The following ATP11A variants were observed in gnomAD, a reference collection of about 807,000 sequenced individuals.
ATP11A encodes ATPase phospholipid transporting 11A, also known as phospholipid-transporting ATPase IH.
ATP11A carries 81 observed loss-of-function variants against 154.4 expected under a neutral mutation model. The observed-to-expected ratio is 0.52, with a 90% CI of 0.44 to 0.63. The LOEUF (loss-of-function observed/expected upper bound fraction) is 0.63. Ranked by LOEUF, ATP11A falls within the 30% of genes least tolerant of loss-of-function variation. ATP11A has a pLI of 0.00. For missense variants in ATP11A, 1,316 were observed against 1,474.3 expected (o/e 0.89, Z 1.76); for synonymous variants, 623 against 585.9 (o/e 1.06, Z -0.91).
intron 25 of ATP11A, among the ~76,000 whole-genome samples, chr13:112,865,398 A>G (rs1482835706): frequency 1.2e-4 from 18 of 151,942 alleles, no homozygotes; most frequent in Admixed American, 1.0e-3. Context: ...AGCGGGGTCC[A>G]TCACCACATG....
intron 1 of ATP11A, among the ~76,000 whole-genome samples, chr13:112,748,967 G>A (rs921308931): frequency 3.9e-5 from 6 of 152,172 alleles, no homozygotes; most frequent in Non-Finnish European, 7.3e-5. Flanking sequence ...TCCACATCAC[G>A]GAGCACACAC....
chr13:112,756,438 C>T (rs1292198055), intron 1 of ATP11A, among the ~76,000 whole-genome samples: 1 of 152,192 alleles, frequency 6.6e-6, no homozygotes, highest in Non-Finnish European at 1.5e-5. Flanking sequence ...GGAGAGGCAC[C>T]TGTATCTGCC....
At chr13:112,726,612 C>G (rs1889918864) in intron 1 of ATP11A, among the ~76,000 whole-genome samples, 1 of 152,128 alleles carries the variant, frequency 6.6e-6, no homozygotes, top group Non-Finnish European at 1.5e-5. Flanking sequence ...CTCTAATGCT[C>G]CAGCCGGGGG....
chr13:112,719,552 G>A (rs553529936), intron 1 of ATP11A, among the ~76,000 whole-genome samples: 7 of 152,288 alleles, frequency 4.6e-5, no homozygotes, highest in African/African-American at 9.6e-5. Context: ...GGCAGCGTCC[G>A]TTCTACATAA....
chr13:112,858,357 G>A (rs1258876422), intron 22 of ATP11A, 67 bp downstream of exon 22: 2 of 1,507,254 alleles, frequency 1.3e-6, no homozygotes, highest in African/African-American at 1.4e-5. Flanking sequence ...CACGACCCTT[G>A]TCTGAGCCAC....
intron 25 of ATP11A, among the ~76,000 whole-genome samples, chr13:112,865,805 C>T (rs1313844449): frequency 6.6e-6 from 1 of 152,246 alleles, no homozygotes; most frequent in East Asian, 1.9e-4. Context: ...CCCGCCTTGG[C>T]CTCCCGAAGT....
intron 9 of ATP11A, among the ~76,000 whole-genome samples, chr13:112,823,896 G>A (rs2078863906): frequency 6.6e-6 from 1 of 152,188 alleles, no homozygotes; most frequent in African/African-American, 2.4e-5. Context: ...GGCCCTATTT[G>A]CATGTAGCCT....
Position 112,859,537 on chromosome 13 carries a change from T to G in ATP11A, c.2727+85T>G. 1 of 1,187,848 alleles carries G rather than the reference T, an allele frequency of 8.4e-7. No homozygotes were observed. Among genetic ancestry groups the G allele is most frequent in the Non-Finnish European group, 1.3e-6 (1 of 793,908 alleles). 73.6% of individuals were successfully genotyped at this position (1,187,848 alleles called of 1,614,324 possible). A position where few individuals can be genotyped will look rare whatever the true frequency, so the allele number is the denominator to read the frequency against. The stretch of plus-strand genomic sequence containing the variant: ...GTGGCTGCTGTGGGGAGGGGAGACT[T>G]GGGAATGAGCAGCACTCCCCGGCAC... On this transcript the variant is annotated intron_variant, in intron 23 of 29. Coordinates refer to ENST00000375645, the MANE Select transcript of ATP11A (RefSeq NM_015205.3). This position sits in a 1 kb window ranked among gnomAD's most constrained non-coding sequence, Gnocchi z 4.3.
rs1470735945 is a variant in ATP11A at position 112,826,793 on chromosome 13, G to A, written c.1123G>A (p.Gly375Ser). ...YVTVEMQKFLGSYFITWDEDM... is the reference protein window; with the variant it reads ...YVTVEMQKFLSSYFITWDEDM... The stretch of plus-strand genomic sequence containing the variant: ...CACGGTCGAGATGCAGAAGTTCCTC[G>A]GCTCTTACTTCATCACCTGGGACGA... Residue 375 changes from glycine to serine, a missense_variant, in exon 12 of 30, where the codon GGC (glycine) becomes AGC (serine). Gly to Ser is a moderately conservative substitution (Grantham distance 56). Around this residue, in one of 5 missense-constraint regions of ATP11A, gnomAD observed 876 missense variants for 1,006.8 expected, o/e 0.87. Coordinates refer to ENST00000375645, the MANE Select transcript of ATP11A (RefSeq NM_015205.3). The A allele has an allele frequency of 1.2e-6, 2 of 1,614,124 alleles. No homozygotes were observed. The highest frequency in any genetic ancestry group is 1.7e-5 in the Admixed American group (1 of 60,014).
At chr13:112,879,710 C>T (rs568558578) in intron 29 of ATP11A, among the ~76,000 whole-genome samples, 47 of 152,334 alleles carry the variant, frequency 3.1e-4, no homozygotes, top group African/African-American at 9.4e-4. Context: ...CCGGCGCACA[C>T]GGGAACACGC....
chr13:112,852,900 A>G (rs2079811749), intron 18 of ATP11A, among the ~76,000 whole-genome samples: 1 of 152,006 alleles, frequency 6.6e-6, no homozygotes, highest in Admixed American at 6.6e-5. Flanking sequence ...TTTGAATCGA[A>G]TTGTAGGGCC....
chr13:112,780,838 T>C (rs187345931), intron 1 of ATP11A, among the ~76,000 whole-genome samples: 1 of 152,300 alleles, frequency 6.6e-6, no homozygotes, highest in African/African-American at 2.4e-5. Flanking sequence ...GCTTTGCTGA[T>C]GGAAGCCTCT....
At chr13:112,787,313 T>C (rs867069353) in intron 2 of ATP11A, among the ~76,000 whole-genome samples, 222 of 92,918 alleles carry the variant, frequency 2.4e-3, no homozygotes, top group Middle Eastern at 0.016. Context: ...TGTCCTGATG[T>C]GTAGACCCCT....
intron 1 of ATP11A, among the ~76,000 whole-genome samples, chr13:112,740,148 CTA>C (rs59104065): frequency 0.38 from 52,841 of 137,264 alleles, 9,616 homozygotes; most frequent in East Asian, 0.57. Flanking sequence ...CTCTCTCTCT[CTA>C]TATATATATA....
In ATP11A at chr13:112,785,023, GC is replaced by G. The variant is rs1280024743; in HGVS notation, c.40-111del. 4.6e-6 allele frequency: 6 copies of G among 1,294,658 alleles called. No individual in the cohort carries two copies. The highest frequency in any genetic ancestry group is 4.0e-6 in the Non-Finnish European group (4 of 999,604). 80.2% of individuals were successfully genotyped at this position (1,294,658 alleles called of 1,614,324 possible). A position where few individuals can be genotyped will look rare whatever the true frequency, so the allele number is the denominator to read the frequency against. Reference sequence around the variant, plus strand: ...CCTGCAGCCCTGAACGATGCTCTCAGCAGCAGGTACAGGTCTCCGTTCCGAC... The same window carrying G: ...CCTGCAGCCCTGAACGATGCTCTCAGAGCAGGTACAGGTCTCCGTTCCGAC... On this transcript the variant is annotated intron_variant, in intron 1 of 29. Coordinates refer to ENST00000375645, the MANE Select transcript of ATP11A (RefSeq NM_015205.3). This position sits in a 1 kb window ranked among gnomAD's most constrained non-coding sequence, Gnocchi z 4.8.
chr13:112,801,116 C>T (rs1267935018), intron 2 of ATP11A, among the ~76,000 whole-genome samples: 1 of 142,510 alleles, frequency 7.0e-6, no homozygotes, highest in Non-Finnish European at 1.5e-5. Context: ...TCTTATTCAG[C>T]ATTGTACTGG....
intron 18 of ATP11A, among the ~76,000 whole-genome samples, chr13:112,853,818 C>T (rs1245457693): frequency 2.6e-5 from 4 of 152,146 alleles, no homozygotes; most frequent in African/African-American, 7.2e-5. Context: ...ACCTGGACCC[C>T]AAGTGGGTTC....
intron 1 of ATP11A, among the ~76,000 whole-genome samples, chr13:112,727,821 C>G (rs569230667): frequency 6.6e-6 from 1 of 152,350 alleles, no homozygotes; most frequent in South Asian, 2.1e-4. Flanking sequence ...CCACGCAGCT[C>G]GGGGACTCCG....
intron 1 of ATP11A, among the ~76,000 whole-genome samples, chr13:112,719,737 T>A (rs1331173293): frequency 1.3e-5 from 2 of 152,158 alleles, no homozygotes; most frequent in Non-Finnish European, 2.9e-5. Flanking sequence ...CAACAGAATC[T>A]CCTATTTTTG....
Sources: allele counts gnomAD v4.1 joint callset (sites outside exome capture counted in the v4.1 genomes callset), GRCh38; gene constraint gnomAD v4.1.1; regional missense constraint gnomAD v4.1.1; non-coding constraint Gnocchi (gnomAD v3.1); transcripts MANE v1.5; gene names NCBI Gene and HGNC (gene_info 2026-07-23, HGNC 2026-07-21).